GLI3: variants seen among roughly 807,000 people sequenced by gnomAD.
The protein encoded by GLI3 is GLI family zinc finger 3, also known as transcription activator GLI3.
A neutral mutation model predicts 100.8 loss-of-function variants in GLI3; 20 were observed. That is an observed-to-expected ratio of 0.20 (90% CI 0.14 to 0.29). The LOEUF (loss-of-function observed/expected upper bound fraction) is 0.29. Ranked by LOEUF, GLI3 falls within the 10% of genes least tolerant of loss-of-function variation. GLI3 has a pLI of 1.00. For synonymous variants in GLI3, 938 were observed against 860.5 expected (o/e 1.09, Z -1.58); for missense variants, 2,040 against 2,128.5 (o/e 0.96, Z 0.82).
chr7:42,115,787 C>T (rs767644871), intron 3 of GLI3, among the ~76,000 whole-genome samples: 6 of 152,120 alleles, frequency 3.9e-5, no homozygotes, highest in East Asian at 1.9e-4. Flanking sequence ...TTATGCTCTC[C>T]GTGATTTCTT....
intron 3 of GLI3, among the ~76,000 whole-genome samples, chr7:42,140,712 T>C (rs915765082): frequency 1.4e-4 from 22 of 152,112 alleles, no homozygotes; most frequent in Admixed American, 6.5e-4. Flanking sequence ...ACTATGAAGA[T>C]ACAGCACAAA....
intron 2 of GLI3, among the ~76,000 whole-genome samples, chr7:42,204,906 T>C (rs552377739): frequency 6.6e-6 from 1 of 152,280 alleles, no homozygotes; most frequent in South Asian, 2.1e-4. Flanking sequence ...TCTGTACTTA[T>C]TGACATGGCT....
intron 10 of GLI3, among the ~76,000 whole-genome samples, chr7:41,994,081 A>G (rs1009105896): frequency 1.6e-4 from 24 of 152,200 alleles, no homozygotes; most frequent in African/African-American, 5.5e-4. Flanking sequence ...CTAACTTTCA[A>G]TGTTATGTCC....
At chr7:41,970,911 A>G (rs1445038661) in intron 13 of GLI3, among the ~76,000 whole-genome samples, 1 of 152,220 alleles carries the variant, frequency 6.6e-6, no homozygotes, top group Admixed American at 6.5e-5. Flanking sequence ...TCCCCTTCAA[A>G]AAAAGTATAT....
chr7:42,148,960 C>T (rs1206897788), intron 2 of GLI3, among the ~76,000 whole-genome samples: 1 of 152,174 alleles, frequency 6.6e-6, no homozygotes, highest in Non-Finnish European at 1.5e-5. Flanking sequence ...AGGGCCTTTG[C>T]TCCTAGAGAA....
chr7:41,999,234 C>A (rs549975727), intron 10 of GLI3, among the ~76,000 whole-genome samples: 1 of 152,146 alleles, frequency 6.6e-6, no homozygotes, highest in South Asian at 2.1e-4. Flanking sequence ...TGAAAGTGAC[C>A]TAGGACACCT....
upstream of GLI3, among the ~76,000 whole-genome samples, chr7:42,238,025 T>TCTCCTCCTC (rs936105925): frequency 5.5e-5 from 6 of 108,976 alleles, no homozygotes; most frequent in South Asian, 7.8e-4. Context: ...TCCTCCTCCT[T>TCTCCTCCTC]CTCCTCCTCC....
At chr7:41,981,583 C>T (rs1254243928) in intron 10 of GLI3, among the ~76,000 whole-genome samples, 1 of 152,194 alleles carries the variant, frequency 6.6e-6, no homozygotes, top group Non-Finnish European at 1.5e-5. Context: ...AAAGGGAAGG[C>T]ATCTCCTGGC....
chr7:42,015,662 G>C (rs846300), intron 10 of GLI3, among the ~76,000 whole-genome samples: 41,806 of 151,110 alleles, frequency 0.28, 6,055 homozygotes, highest in African/African-American at 0.37. Flanking sequence ...GCTGGTTATG[G>C]GCCTTACTGA....
chr7:42,138,831 C>T (rs765559732), intron 3 of GLI3, among the ~76,000 whole-genome samples: 12 of 152,228 alleles, frequency 7.9e-5, no homozygotes, highest in Non-Finnish European at 1.5e-4. Flanking sequence ...CCCCAGTGGA[C>T]GACGTAAACA....
intron 2 of GLI3, among the ~76,000 whole-genome samples, chr7:42,153,121 T>C (rs1386711565): frequency 6.6e-6 from 1 of 152,230 alleles, no homozygotes; most frequent in Non-Finnish European, 1.5e-5. Context: ...TTGGGAATTC[T>C]GAGCAAATTT....
chr7:42,138,709 C>A (rs1231766218), intron 3 of GLI3, among the ~76,000 whole-genome samples: 1 of 152,212 alleles, frequency 6.6e-6, no homozygotes. Flanking sequence ...ATTTGCTTCT[C>A]AGCATCCCCC....
intron 2 of GLI3, among the ~76,000 whole-genome samples, chr7:42,201,869 G>A (rs193007581): frequency 6.6e-6 from 1 of 152,078 alleles, no homozygotes; most frequent in Non-Finnish European, 1.5e-5. Flanking sequence ...AGATCACAAG[G>A]TCAGGAGATC....
chr7:42,056,673 G>A (rs527804868), intron 4 of GLI3, among the ~76,000 whole-genome samples: 80 of 152,056 alleles, frequency 5.3e-4, no homozygotes, highest in East Asian at 1.4e-3. Flanking sequence ...TTTATTGGCC[G>A]GGCATAGTGG....
chr7:42,182,658 A>ATATATATATATACACATGTGTGTGTG, intron 2 of GLI3, among the ~76,000 whole-genome samples: 1 of 56,022 alleles, frequency 1.8e-5, no homozygotes, highest in Non-Finnish European at 3.4e-5. Context: ...ATATATATAT[A>ATATATATATATACACATGTGTGTGTG]TATATATATA....
chr7:42,038,372 A>AT (rs1048401213), intron 7 of GLI3, among the ~76,000 whole-genome samples: 2 of 151,222 alleles, frequency 1.3e-5, no homozygotes, highest in African/African-American at 4.9e-5. Flanking sequence ...TCATCCTGCC[A>AT]TTGCAGATCC....
chr7:42,172,403 G>A (rs1020203152), intron 2 of GLI3: 24 of 611,710 alleles, frequency 3.9e-5, no homozygotes, highest in Non-Finnish European at 6.5e-5. Context: ...AATTTGCATG[G>A]CTGGCATTTC....
At chr7:42,215,177 G>A (rs142691097) in intron 2 of GLI3, among the ~76,000 whole-genome samples, 93 of 152,200 alleles carry the variant, frequency 6.1e-4, no homozygotes, top group African/African-American at 2.0e-3. Flanking sequence ...AAATTTTGGG[G>A]AGGTGCTGGA....
chr7:42,236,354 G>A (rs9655430), intron 1 of GLI3, among the ~76,000 whole-genome samples: 4 of 152,206 alleles, frequency 2.6e-5, no homozygotes, highest in South Asian at 2.1e-4. Context: ...AAAGAAATAA[G>A]AGAATCCCAA....
Sources: gnomAD v4.1 joint callset for allele counts (sites outside exome capture counted in the v4.1 genomes callset) on GRCh38, gnomAD v4.1.1 for gene constraint, MANE v1.5 for transcripts, NCBI Gene and HGNC (gene_info 2026-07-23, HGNC 2026-07-21) for gene names.